Variants in MICALL1 observed in about 807,000 individuals in gnomAD.
MICALL1 encodes MICAL-like protein 1.
MICALL1 carries 61 observed loss-of-function variants against 83.7 expected under a neutral mutation model. The observed-to-expected ratio is 0.73, with a 90% CI of 0.59 to 0.90. The LOEUF (loss-of-function observed/expected upper bound fraction) is 0.90, where lower values mean the gene tolerates loss of function less well. MICALL1 is among the 40% of genes least tolerant of loss of function. The pLI, the probability that MICALL1 is intolerant of heterozygous loss-of-function variation, is 0.00. For synonymous variants in MICALL1, 481 were observed against 473.6 expected (o/e 1.02, Z -0.20); for missense variants, 1,066 against 1,152.0 (o/e 0.93, Z 1.08).
At chr22:37,913,119 C>T (rs1394431966) in intron 3 of MICALL1, among the ~76,000 whole-genome samples, 3 of 152,002 alleles carry the variant, frequency 2.0e-5, no homozygotes, top group Non-Finnish European at 2.9e-5. Flanking sequence ...CCCACCACTA[C>T]ACCTGGCTAA....
chr22:37,918,734 GC>G (rs1177896084), intron 4 of MICALL1, among the ~76,000 whole-genome samples: 1 of 152,236 alleles, frequency 6.6e-6, no homozygotes, highest in African/African-American at 2.4e-5. Context: ...GCCAGGAGCT[GC>G]CTTCCTTTGG....
Position 37,932,006 on chromosome 22 carries a change from C to A in MICALL1, c.2016+73C>A. The A allele has an allele frequency of 6.4e-7, 1 of 1,563,422 alleles. No homozygotes were observed. The highest frequency in any genetic ancestry group is 2.3e-5 in the East Asian group (1 of 44,284). On this transcript the variant is annotated intron_variant, in intron 10 of 15. Transcript: ENST00000215957. This position sits in a 1 kb window ranked among gnomAD's most constrained non-coding sequence, Gnocchi z 4.4. ...CCCCACTCTGCAGCTGCAGTCTTCC[C>A]CTGGGACTCTAAGGAGGCTGGCTGG...
Position 37,924,085 on chromosome 22 carries a change from G to A in MICALL1, c.1025-575G>A, listed in dbSNP as rs749191850. Among the ~76,000 whole-genome samples, 1 of 152,200 alleles carries A rather than the reference G, an allele frequency of 6.6e-6. No individual in the cohort carries two copies. Among genetic ancestry groups the A allele is most frequent in the Non-Finnish European group, 1.5e-5 (1 of 68,032 alleles). On this transcript the variant is annotated intron_variant, in intron 6 of 15. Transcript: ENST00000215957. This position sits in a 1 kb window ranked among gnomAD's most constrained non-coding sequence, Gnocchi z 5.2. ...CATTAGGGAAGGCATTGGTGGCCAC[G>A]GGGAGAGAGACTCCCAGGGTCACCC...
Position 37,930,526 on chromosome 22 carries a change from G to A in MICALL1, c.1882-1273G>A, listed in dbSNP as rs1194780215. On this transcript the variant is annotated intron_variant, in intron 9 of 15. Transcript: ENST00000215957. This position sits in a 1 kb window ranked among gnomAD's most constrained non-coding sequence, Gnocchi z 4.8. ...CAGCTGCCGAGGGAAAGCTGGGTCA[G>A]TGCTTCTTGGAGCATCCCAGGTCTC... Among the ~76,000 whole-genome samples, 2 of 152,250 alleles carry A rather than the reference G, an allele frequency of 1.3e-5. No homozygotes were observed.
At chr22:37,935,733 T>A (rs1930082731) in intron 13 of MICALL1, among the ~76,000 whole-genome samples, 1 of 147,708 alleles carries the variant, frequency 6.8e-6, no homozygotes, top group South Asian at 2.2e-4. Flanking sequence ...TATTTACTTT[T>A]TTTTTTTTTT....
At chr22:37,917,861 C>A in intron 4 of MICALL1, 66 bp downstream of exon 4, 2 of 1,359,156 alleles carry the variant, frequency 1.5e-6, no homozygotes, top group African/African-American at 1.4e-5. Flanking sequence ...GGACGACTAT[C>A]ATTGCAGTGA....
intron 7 of MICALL1, 43 bp from the exon 8 acceptor site, chr22:37,925,618 C>T: frequency 6.5e-7 from 1 of 1,532,882 alleles, no homozygotes; most frequent in South Asian, 1.2e-5. Flanking sequence ...GAAGCTGACC[C>T]TTGCCTCTGC....
At position 37,932,468 on chromosome 22, in the gene MICALL1, C is replaced by A; in HGVS notation, c.2017-85C>A. 1 of 1,567,142 alleles carries A rather than the reference C, an allele frequency of 6.4e-7. No homozygotes were observed. On this transcript the variant is annotated intron_variant, in intron 10 of 15. Coordinates refer to ENST00000215957, the MANE Select transcript of MICALL1 (RefSeq NM_033386.4). The surrounding 1 kb of genome is among the most constrained non-coding windows in gnomAD (Gnocchi z 4.4). ...GACAGGGCCCGGGCCCTGGAGCCAC[C>A]AGTGGCCAATGCTGGCCAGAGAAGA...
rs1929322681 is a variant in MICALL1 at position 37,924,863 on chromosome 22, TCTC to T, written c.1082+149_1082+151del. 8.3e-6 allele frequency: 6 copies of T among 721,462 alleles called. No individual in the cohort carries two copies. The East Asian group carries it at 1.9e-4, about 23-fold the overall frequency. 44.7% of individuals were successfully genotyped at this position (721,462 alleles called of 1,614,324 possible). A position where few individuals can be genotyped will look rare whatever the true frequency, so the allele number is the denominator to read the frequency against. The stretch of plus-strand genomic sequence containing the variant: ...GAAGGAGAGCTGGGCCCACACCCCT[TCTC>T]CTGAGGCTCACCCCGGGATTCCTGC... On this transcript the variant is annotated intron_variant, in intron 7 of 15. Transcript: ENST00000215957. This position sits in a 1 kb window ranked among gnomAD's most constrained non-coding sequence, Gnocchi z 5.2.
intron 3 of MICALL1, among the ~76,000 whole-genome samples, chr22:37,913,960 C>T (rs1273832537): frequency 2.0e-5 from 3 of 151,294 alleles, no homozygotes; most frequent in Non-Finnish European, 4.4e-5. Flanking sequence ...ACTGCAACCT[C>T]TGCCCTCGGG....
chr22:37,926,040 C>G lies in MICALL1; in HGVS notation c.1462C>G (p.Leu488Val). The change falls in exon 8 of 16, where the codon CTG (leucine) becomes GTG (valine). Residue 488 changes from leucine to valine, a missense_variant. Physicochemically the swap from Leu to Val is conservative, Grantham distance 32. Transcript: ENST00000215957. ...CCCGCGCGCACCCAGCGCGTCCCCA[C>G]TGGGTGAGTGCCTTTCCTGGAGCTC... is the stretch of plus-strand genomic sequence containing the variant. ...PAPRAPSASP[L>V]ALHASRLSHS... The G allele has an allele frequency of 6.3e-7, 1 of 1,592,650 alleles. No homozygotes were observed. The highest frequency in any genetic ancestry group is 8.6e-7 in the Non-Finnish European group (1 of 1,167,358).
chr22:37,935,918 C>T (rs749103828), intron 13 of MICALL1, among the ~76,000 whole-genome samples: 3 of 151,862 alleles, frequency 2.0e-5, no homozygotes, highest in African/African-American at 7.3e-5. Context: ...TTAGTAGAGA[C>T]GAGGTTTCAC....
chr22:37,925,865 G>T lies in MICALL1; in HGVS notation c.1287G>T (p.Glu429Asp). The T allele has an allele frequency of 1.2e-6, 2 of 1,613,830 alleles. No homozygotes were observed. The highest frequency in any genetic ancestry group is 1.7e-6 in the Non-Finnish European group (2 of 1,179,926). The change falls in exon 8 of 16, where the codon GAG becomes GAT. Residue 429 changes from glutamate (E) to aspartate (D), a missense_variant. Glu to Asp is a conservative substitution (Grantham distance 45). Coordinates refer to ENST00000215957, the MANE Select transcript of MICALL1 (RefSeq NM_033386.4). Reference sequence around the variant, plus strand: ...CCAAACCCTATAACCCCTTTGAGGAGGAGGAGGAGGACAAGGAGGAAGAGG... The same window carrying T: ...CCAAACCCTATAACCCCTTTGAGGATGAGGAGGAGGACAAGGAGGAAGAGG... ...LESKPYNPFE[E>D]EEEDKEEEAP...
At chr22:37,921,945 G>A (rs775058458) in intron 5 of MICALL1, 27 bp from the exon 6 acceptor site, 28 of 1,518,008 alleles carry the variant, frequency 1.8e-5, no homozygotes, top group African/African-American at 2.8e-5. Context: ...GCCTGGCTAA[G>A]TGAACCCCTG....
intron 1 of MICALL1, among the ~76,000 whole-genome samples, chr22:37,907,761 T>A (rs1928056676): frequency 6.6e-6 from 1 of 152,128 alleles, no homozygotes; most frequent in African/African-American, 2.4e-5. Context: ...GCTTGGGCCC[T>A]GGAGGAGAGG....
chr22:37,919,626 ACT>A (rs1429674465), intron 5 of MICALL1, among the ~76,000 whole-genome samples: 2 of 125,726 alleles, frequency 1.6e-5, no homozygotes, highest in Non-Finnish European at 3.2e-5. Flanking sequence ...ACAGAGCGAG[ACT>A]CTGTCTCAAA....
chr22:37,920,230 T>C (rs1035667970), intron 5 of MICALL1, among the ~76,000 whole-genome samples: 1 of 152,082 alleles, frequency 6.6e-6, no homozygotes, highest in South Asian at 2.1e-4. Context: ...TAAAAAAACT[T>C]AGAAAATTCA....
Position 37,924,373 on chromosome 22 carries a change from C to T in MICALL1, c.1025-287C>T, listed in dbSNP as rs1929284787. On this transcript the variant is annotated intron_variant, in intron 6 of 15. Coordinates refer to ENST00000215957, the MANE Select transcript of MICALL1 (RefSeq NM_033386.4). This position sits in a 1 kb window ranked among gnomAD's most constrained non-coding sequence, Gnocchi z 5.2. ...CTTCCAGGAGGAGGTGGCTCCCAGG[C>T]TGACTTGAGATGATGTTTTCTGCCC... Among the ~76,000 whole-genome samples, 1 of 152,274 alleles carries T rather than the reference C, an allele frequency of 6.6e-6. No individual in the cohort carries two copies. The highest frequency in any genetic ancestry group is 2.1e-4 in the South Asian group (1 of 4,818).
chr22:37,909,460 G>A (rs902982712), intron 1 of MICALL1, among the ~76,000 whole-genome samples: 4 of 151,630 alleles, frequency 2.6e-5, no homozygotes, highest in Non-Finnish European at 4.4e-5. Context: ...TTGGGTTCAC[G>A]CCATTCTCCT....
Sources: allele counts gnomAD v4.1 joint callset (sites outside exome capture counted in the v4.1 genomes callset), GRCh38; gene constraint gnomAD v4.1.1; non-coding constraint Gnocchi (gnomAD v3.1); transcripts MANE v1.5; gene names NCBI Gene and HGNC (gene_info 2026-07-23, HGNC 2026-07-21).